Variants in SLCO1A2 observed in about 807,000 individuals in gnomAD.
SLCO1A2 encodes OATP-1.
In SLCO1A2, 67 loss-of-function variants were observed where a neutral mutation model predicts 69.0. That is an observed-to-expected ratio of 0.97 (90% confidence interval 0.80 to 1.19). The LOEUF (loss-of-function observed/expected upper bound fraction) is 1.19, where lower values mean the gene tolerates loss of function less well. Ranked by LOEUF, SLCO1A2 falls within the 50% of genes most tolerant of loss-of-function variation. The probability of loss-of-function intolerance (pLI) is 0.00; values close to 1 mark genes in which losing one functional copy is unlikely to be tolerated. For synonymous variants in SLCO1A2, 260 were observed against 265.9 expected, an observed-to-expected ratio of 0.98 and a Z score of 0.22; for missense variants, 787 against 793.7, an observed-to-expected ratio of 0.99 and a Z score of 0.10.
At chr12:21,275,499 T>G (rs1038526527) in intron 12 of SLCO1A2, 75 bp from the exon 13 acceptor site, 2 of 1,284,040 alleles carry the variant, frequency 1.6e-6, no homozygotes, top group African/African-American at 3.0e-5. Flanking sequence ...AAAAGGCCAG[T>G]TGTAAGCTAG....
chr12:21,381,471 A>G (rs1396286160), intron 1 of SLCO1A2, among the ~76,000 whole-genome samples: 1 of 152,144 alleles, frequency 6.6e-6, no homozygotes, highest in Non-Finnish European at 1.5e-5. Flanking sequence ...GTGAGATACC[A>G]CCTTACTCCT....
intron 8 of SLCO1A2, among the ~76,000 whole-genome samples, chr12:21,298,195 T>C (rs2199685): frequency 0.94 from 142,853 of 152,200 alleles, 67,633 homozygotes; most frequent in Non-Finnish European, 1. Context: ...CCAGGTCCCA[T>C]CCTCAGAGAT....
At chr12:21,319,242 A>G (rs1414345170) in intron 2 of SLCO1A2, 1 of 894,454 alleles carries the variant, frequency 1.1e-6, no homozygotes, top group Non-Finnish European at 1.7e-6. Context: ...AGCTACAATG[A>G]TATCTAAAGT....
chr12:21,415,832 A>G (rs1941979884), intron 1 of SLCO1A2, among the ~76,000 whole-genome samples: 1 of 152,018 alleles, frequency 6.6e-6, no homozygotes, highest in African/African-American at 2.4e-5. Context: ...AATTCTAGAA[A>G]GTTAGCACTT....
At chr12:21,352,179 G>A (rs765826129) in intron 2 of SLCO1A2, among the ~76,000 whole-genome samples, 7 of 152,100 alleles carry the variant, frequency 4.6e-5, no homozygotes, top group Non-Finnish European at 1.0e-4. Flanking sequence ...GTTAGAATTG[G>A]ATCTCACCAA....
chr12:21,275,430 A>G lies in SLCO1A2; in HGVS notation c.1611-6T>C. 6.9e-7 allele frequency: 1 copy of G among 1,454,534 alleles called. No homozygotes were observed. Among genetic ancestry groups the G allele is most frequent in the Non-Finnish European group, 9.2e-7 (1 of 1,086,638 alleles). The allele number at this position is 1,454,534 out of a possible 1,614,324, so 90.1% of individuals were successfully genotyped here. A position where few individuals can be genotyped will look rare whatever the true frequency, so the allele number is the denominator to read the frequency against. ...TCTCTTCAGATTTCATACACCTGAA[A>G]AGTAAATAAGTTTGTAAATAAAAGA... On this transcript the variant is annotated splice_region_variant and splice_polypyrimidine_tract_variant and intron_variant, in intron 12 of 14. Coordinates refer to ENST00000683939, the MANE Select transcript of SLCO1A2 (RefSeq NM_001386879.1).
chr12:21,383,169 G>C (rs529323380), intron 1 of SLCO1A2, among the ~76,000 whole-genome samples: 2 of 152,128 alleles, frequency 1.3e-5, no homozygotes, highest in South Asian at 2.1e-4. Context: ...TTAACTGGAA[G>C]AAAGTTAAAA....
At chr12:21,331,549 C>G (rs567738687) in intron 2 of SLCO1A2, among the ~76,000 whole-genome samples, 22 of 151,984 alleles carry the variant, frequency 1.4e-4, no homozygotes, top group African/African-American at 4.1e-4. Context: ...ACTGAGCACT[C>G]TAATGCTAAG....
At position 21,283,414 on chromosome 12, in the gene SLCO1A2, T is replaced by G. The variant is rs1221522972; in HGVS notation, c.1611-7990A>C. ...CCATATTTCTTGCCATATTCAAAAA[T>G]CAATCAAAATCGATGAAAGACTTAA... On this transcript the variant is annotated intron_variant, in intron 12 of 14. Coordinates refer to ENST00000683939, the MANE Select transcript of SLCO1A2 (RefSeq NM_001386879.1). 3.3e-5 allele frequency among the ~76,000 whole-genome samples: 5 copies of G among 152,110 alleles called. 1 individual carries two copies. The highest frequency in any genetic ancestry group is 7.4e-5 in the Non-Finnish European group (5 of 68,008).
At chr12:21,357,803 T>C (rs113332445) in intron 2 of SLCO1A2, among the ~76,000 whole-genome samples, 157 of 152,270 alleles carry the variant, frequency 1.0e-3, no homozygotes, top group African/African-American at 3.5e-3. Flanking sequence ...CAGGAGTCCT[T>C]AAAAAATGCA....
At chr12:21,278,792 C>A (rs1252144729) in intron 12 of SLCO1A2, among the ~76,000 whole-genome samples, 2 of 152,068 alleles carry the variant, frequency 1.3e-5, no homozygotes, top group Non-Finnish European at 2.9e-5. Context: ...GCCCAGACAT[C>A]AACAAACATT....
intron 1 of SLCO1A2, among the ~76,000 whole-genome samples, chr12:21,402,525 A>G (rs1157376934): frequency 6.6e-6 from 1 of 152,086 alleles, no homozygotes; most frequent in African/African-American, 2.4e-5. Context: ...ATCACATACA[A>G]TGGAATGGGG....
chr12:21,306,872 A>G lies in SLCO1A2; in HGVS notation c.442+10T>C, dbSNP rs1949474944. The stretch of plus-strand genomic sequence containing the variant: ...CGCTGAACAAAAATCAATACAATGA[A>G]GTAGACAACCTGATGGATCCTGCGT... On this transcript the variant is annotated intron_variant, in intron 5 of 14. Coordinates refer to ENST00000683939, the MANE Select transcript of SLCO1A2 (RefSeq NM_001386879.1). The G allele has an allele frequency of 1.3e-6, 2 of 1,597,116 alleles. No homozygotes were observed. The highest frequency in any genetic ancestry group is 1.3e-5 in the African/African-American group (1 of 74,676).
chr12:21,311,511 A>T (rs965638986), intron 4 of SLCO1A2: 1 of 151,710 alleles, frequency 6.6e-6, no homozygotes, highest in Non-Finnish European at 1.5e-5. Flanking sequence ...CACACAATGG[A>T]TGTTGTGTTA....
Position 21,280,697 on chromosome 12 carries a change from A to AAAT in SLCO1A2, c.1611-5274_1611-5273insATT, listed in dbSNP as rs1280316201. 1.7e-3 allele frequency among the ~76,000 whole-genome samples: 264 copies of AAAT among 151,442 alleles called. 6 individuals carry two copies. The highest frequency in any genetic ancestry group is 6.1e-3 in the African/African-American group (250 of 41,184). The stretch of plus-strand genomic sequence containing the variant: ...CCAGACCAAAAAAAAAAATAAATAA[A>AAAT]TAAACAAAGAAACATTGGATTTCAT... On this transcript the variant is annotated intron_variant, in intron 12 of 14. Coordinates refer to ENST00000683939, the MANE Select transcript of SLCO1A2 (RefSeq NM_001386879.1).
chr12:21,299,773 TATATATATATATATATACAC>T (rs1948335993), intron 8 of SLCO1A2, among the ~76,000 whole-genome samples: 1 of 109,938 alleles, frequency 9.1e-6, no homozygotes, highest in African/African-American at 4.1e-5. Flanking sequence ...TACGTGTGTA[TATATATATATATATATACAC>T]ACACACGTAT....
upstream of SLCO1A2, among the ~76,000 whole-genome samples, chr12:21,336,770 G>T (rs544161469): frequency 3.6e-4 from 54 of 152,004 alleles, no homozygotes; most frequent in African/African-American, 1.2e-3. Context: ...TCTTCTCGAG[G>T]CTGTGCTAGT....
At position 21,314,651 on chromosome 12, in the gene SLCO1A2, T is replaced by A. The variant is rs1950646573; in HGVS notation, c.233A>T (p.Tyr78Phe). 2.5e-6 allele frequency: 4 copies of A among 1,608,846 alleles called. No homozygotes were observed. In the South Asian group the frequency reaches 4.4e-5, roughly 18 times the overall value. The change falls in exon 4 of 15, where the codon TAT becomes TTT. Residue 78 changes from tyrosine to phenylalanine, a missense_variant. Coordinates refer to ENST00000683939, the MANE Select transcript of SLCO1A2 (RefSeq NM_001386879.1). ...AGGTCTATGCAGTTTGGTTCCAAAA[T>A]AACTCACAAATATAATCAACAAAAG... Reference protein sequence around the residue: ...GNLLLIIFVSYFGTKLHRPIM... With the variant: ...GNLLLIIFVSFFGTKLHRPIM...
rs988589455 is a variant in SLCO1A2, at chr12:21,343,010, T to G, written c.-62-8301A>C. The stretch of plus-strand genomic sequence containing the variant: ...GACCTGTGCGTCACATCCAGGTGGG[T>G]ATGTCCTGTGGGCAGTAGGACATGA... On this transcript the variant is annotated intron_variant, in intron 2 of 15. Transcript: ENST00000307378. 2.0e-5 allele frequency among the ~76,000 whole-genome samples: 3 copies of G among 152,238 alleles called. No individual in the cohort carries two copies. The South Asian group carries it at 6.2e-4, about 32-fold the overall frequency.
Sources: allele counts gnomAD v4.1 joint callset (sites outside exome capture counted in the v4.1 genomes callset), GRCh38; gene constraint gnomAD v4.1.1; transcripts MANE v1.5; gene names NCBI Gene and HGNC (gene_info 2026-07-23, HGNC 2026-07-21).